Variants in DIPK1A observed in about 807,000 individuals in gnomAD.
DIPK1A encodes divergent protein kinase domain 1A, also known as family with sequence similarity 69 member A.
In DIPK1A, 27 loss-of-function variants were observed where a neutral mutation model predicts 40.8. The ratio of observed to expected loss-of-function variants is 0.66; its 90% confidence interval spans 0.49 to 0.91. The LOEUF is 0.91. Ranked by LOEUF, DIPK1A falls within the 40% of genes least tolerant of loss-of-function variation. The pLI is 0.00. For synonymous variants in DIPK1A, 166 were observed against 171.3 expected (o/e 0.97, Z 0.24); for missense variants, 412 against 505.7 (o/e 0.81, Z 1.78).
intron 1 of DIPK1A, among the ~76,000 whole-genome samples, chr1:92,942,346 TTTAAGCAA>T (rs1217953233): frequency 6.6e-6 from 1 of 152,186 alleles, no homozygotes; most frequent in African/African-American, 2.4e-5. Flanking sequence ...TGGTGAAATG[TTTAAGCAA>T]TTCATTACAT....
intron 2 of DIPK1A, among the ~76,000 whole-genome samples, chr1:92,869,495 A>G (rs1023773910): frequency 6.6e-5 from 10 of 152,184 alleles, no homozygotes; most frequent in Admixed American, 5.9e-4. Context: ...AATAAGCTAA[A>G]GGAAAGATTT....
intron 1 of DIPK1A, among the ~76,000 whole-genome samples, chr1:92,913,078 A>G (rs1649898398): frequency 6.6e-6 from 1 of 151,984 alleles, no homozygotes; most frequent in Non-Finnish European, 1.5e-5. Flanking sequence ...TAAGACCAAG[A>G]AAAAGAAAAA....
chr1:92,953,679 G>GT (rs1651727892), intron 1 of DIPK1A, among the ~76,000 whole-genome samples: 1 of 152,156 alleles, frequency 6.6e-6, no homozygotes, highest in African/African-American at 2.4e-5. Flanking sequence ...CTTATATGAA[G>GT]TATAAAGCAG....
In DIPK1A at chr1:92,906,682, A is replaced by T. The variant is rs191698800; in HGVS notation, c.55-30252T>A. Among the ~76,000 whole-genome samples the T allele has an allele frequency of 1.8e-4, 28 of 152,304 alleles. No homozygotes were observed. The East Asian group carries it at 5.4e-3, about 29-fold the overall frequency. ...TCAAAAAAGCATGCAGATGAGTGAA[A>T]AAAAGGCACAGTATGTGGGGCCTGG... is the stretch of plus-strand genomic sequence containing the variant. On this transcript the variant is annotated intron_variant, in intron 1 of 4. Transcript: ENST00000370310.
chr1:92,873,441 C>T (rs1248542318), intron 2 of DIPK1A, among the ~76,000 whole-genome samples: 1 of 151,950 alleles, frequency 6.6e-6, no homozygotes, highest in African/African-American at 2.4e-5. Flanking sequence ...ATGGCAAAAC[C>T]CCATCTCTAC....
chr1:92,917,045 A>G (rs188056467), intron 1 of DIPK1A, among the ~76,000 whole-genome samples: 6 of 152,280 alleles, frequency 3.9e-5, no homozygotes, highest in Non-Finnish European at 2.9e-5. Flanking sequence ...GTGTACATAT[A>G]ATTGTGTATT....
At chr1:92,863,708 A>C (rs1647395455) in intron 2 of DIPK1A, among the ~76,000 whole-genome samples, 1 of 152,150 alleles carries the variant, frequency 6.6e-6, no homozygotes. Context: ...AGTTGGTATA[A>C]AGGGAAAAGG....
intron 1 of DIPK1A, chr1:92,877,110 T>C (rs1175653719): frequency 2.0e-6 from 2 of 985,258 alleles, no homozygotes; most frequent in Non-Finnish European, 2.4e-6. Context: ...GCATATCAAC[T>C]TGCAAAGTGT....
intron 1 of DIPK1A, among the ~76,000 whole-genome samples, chr1:92,944,076 TA>T (rs1651274054): frequency 6.6e-6 from 1 of 151,952 alleles, no homozygotes; most frequent in Admixed American, 6.5e-5. Context: ...ACTTTTAAAT[TA>T]AATATAAGAT....
intron 1 of DIPK1A, among the ~76,000 whole-genome samples, chr1:92,924,137 A>G (rs967386542): frequency 1.3e-5 from 2 of 152,194 alleles, no homozygotes; most frequent in African/African-American, 4.8e-5. Context: ...TTAAAAGATA[A>G]TTGGTTTTTA....
Position 92,852,256 on chromosome 1 carries a change from T to TG in DIPK1A, c.190-1302dup, listed in dbSNP as rs550875567. Among the ~76,000 whole-genome samples the TG allele has an allele frequency of 3.3e-4, 51 of 152,266 alleles. No homozygotes were observed. In the South Asian group the frequency reaches 9.7e-3, roughly 29 times the overall value. On this transcript the variant is annotated intron_variant, in intron 2 of 4. Coordinates refer to ENST00000370310, the MANE Select transcript of DIPK1A (RefSeq NM_001006605.5). Reference sequence around the variant, plus strand: ...GCTCACGCCTATAATCCCAGCACTTTGGGGGGCCGAGGCAGGTGGATCACC... The same window carrying TG: ...GCTCACGCCTATAATCCCAGCACTTTGGGGGGGCCGAGGCAGGTGGATCACC...
chr1:92,843,149 A>G lies in DIPK1A; in HGVS notation c.*234T>C, dbSNP rs1687441618. ...TAAAGTCAGTCAAAATAGTTACACA[A>G]TGAATGTACTTCGGAGATGTAACAG... is the stretch of plus-strand genomic sequence containing the variant. On this transcript the variant is annotated 3_prime_UTR_variant, in exon 5 of 5. Coordinates refer to ENST00000370310, the MANE Select transcript of DIPK1A (RefSeq NM_001006605.5). 1 of 1,240,230 alleles carries G rather than the reference A, an allele frequency of 8.1e-7. No homozygotes were observed. Among genetic ancestry groups the G allele is most frequent in the Non-Finnish European group, 1.0e-6 (1 of 986,082 alleles). 76.8% of individuals were successfully genotyped at this position (1,240,230 alleles called of 1,614,324 possible).
At position 92,842,335 on chromosome 1, in the gene DIPK1A, G is replaced by C; in HGVS notation, c.*1048C>G. 2 of 985,852 alleles carry C rather than the reference G, an allele frequency of 2.0e-6. No individual in the cohort carries two copies. The highest frequency in any genetic ancestry group is 2.4e-6 in the Non-Finnish European group (2 of 830,234). 61.1% of individuals were successfully genotyped at this position (985,852 alleles called of 1,614,324 possible). A position where few individuals can be genotyped will look rare whatever the true frequency, so the allele number is the denominator to read the frequency against. On this transcript the variant is annotated 3_prime_UTR_variant, in exon 5 of 5. Transcript: ENST00000370310. ...TCCACTTTAGGTAGGCGAAACCTTTGAGCAGAAAATAGTGGTTCTTTTCTC... is the reference window on the plus strand; with the variant it reads ...TCCACTTTAGGTAGGCGAAACCTTTCAGCAGAAAATAGTGGTTCTTTTCTC...
chr1:92,917,897 T>C (rs1013648482), intron 1 of DIPK1A, among the ~76,000 whole-genome samples: 1 of 152,148 alleles, frequency 6.6e-6, no homozygotes, highest in African/African-American at 2.4e-5. Flanking sequence ...GAGAGTAGTT[T>C]GGCAGAAATC....
At position 92,920,927 on chromosome 1, in the gene DIPK1A, A is replaced by T. The variant is rs191172551; in HGVS notation, c.54+40449T>A. On this transcript the variant is annotated intron_variant, in intron 1 of 4. Transcript: ENST00000370310. Reference sequence around the variant, plus strand: ...TTTTGCATAGGAGCCAGAGAGTAAGAGGAAGGAAAGAGGTGTGGGGCATGG... The same window carrying T: ...TTTTGCATAGGAGCCAGAGAGTAAGTGGAAGGAAAGAGGTGTGGGGCATGG... Among the ~76,000 whole-genome samples, 6 of 152,258 alleles carry T rather than the reference A, an allele frequency of 3.9e-5. No homozygotes were observed. In the East Asian group the frequency reaches 1.2e-3, roughly 29 times the overall value.
In DIPK1A at chr1:92,842,314, CT is replaced by C. The variant is rs937437750; in HGVS notation, c.*1068del. On this transcript the variant is annotated 3_prime_UTR_variant, in exon 5 of 5. Coordinates refer to ENST00000370310, the MANE Select transcript of DIPK1A (RefSeq NM_001006605.5). ...TCACATAGATTTTTAACATGTTCCA[CT>C]TTAGGTAGGCGAAACCTTTGAGCAG... 103 of 986,186 alleles carry C rather than the reference CT, an allele frequency of 1.0e-4. No homozygotes were observed. The highest frequency in any genetic ancestry group is 1.0e-3 in the Middle Eastern group (2 of 1,914). The allele number at this position is 986,186 out of a possible 1,614,324, so 61.1% of individuals were successfully genotyped here.
downstream of DIPK1A, chr1:92,840,574 T>C (rs1306567564): frequency 6.2e-7 from 1 of 1,613,162 alleles, no homozygotes; most frequent in East Asian, 2.2e-5. Flanking sequence ...ATAAGAAAGC[T>C]CATGCTGCTA....
intron 2 of DIPK1A, among the ~76,000 whole-genome samples, chr1:92,871,365 A>G (rs1647852650): frequency 6.6e-6 from 1 of 152,062 alleles, no homozygotes; most frequent in Non-Finnish European, 1.5e-5. Context: ...GGATTTCTCC[A>G]TGTTGGTTGG....
At position 92,944,991 on chromosome 1, in the gene DIPK1A, G is replaced by A. The variant is rs943313531; in HGVS notation, c.54+16385C>T. On this transcript the variant is annotated intron_variant, in intron 1 of 4. Transcript: ENST00000370310. ...AAAAGTTTACTTCCCACACATCCTT[G>A]CCAAAGAAGAAGATGGCACAGATTA... is the stretch of plus-strand genomic sequence containing the variant. Among the ~76,000 whole-genome samples the A allele has an allele frequency of 5.9e-5, 9 of 152,172 alleles. No homozygotes were observed. In the East Asian group the frequency reaches 1.5e-3, roughly 26 times the overall value.
Sources: allele counts gnomAD v4.1 joint callset (sites outside exome capture counted in the v4.1 genomes callset), GRCh38; gene constraint gnomAD v4.1.1; transcripts MANE v1.5; gene names NCBI Gene and HGNC (gene_info 2026-07-23, HGNC 2026-07-21).